PARK7: variants seen among roughly 807,000 people sequenced by gnomAD.
The protein encoded by PARK7 is Parkinsonism associated deglycase.
PARK7 carries 14 observed loss-of-function variants against 20.5 expected under a neutral mutation model. That is an observed-to-expected ratio of 0.68 (90% CI 0.45 to 1.07). The LOEUF (loss-of-function observed/expected upper bound fraction) is 1.07, where lower values mean the gene tolerates loss of function less well. PARK7 is among the 50% of genes least tolerant of loss of function. PARK7 has a pLI of 0.00. For missense variants in PARK7, 234 were observed against 238.1 expected (o/e 0.98, Z 0.11); for synonymous variants, 98 against 84.3 (o/e 1.16, Z -0.89).
intron 3 of PARK7, among the ~76,000 whole-genome samples, chr1:7,967,664 A>G (rs1640357483): frequency 6.6e-6 from 1 of 152,186 alleles, no homozygotes; most frequent in Non-Finnish European, 1.5e-5. Context: ...CACACCTGAA[A>G]TCCTAGCACT....
intron 4 of PARK7, 106 bp from the exon 5 acceptor site, chr1:7,970,788 G>C (rs942148762): frequency 9.9e-7 from 1 of 1,014,700 alleles, no homozygotes; most frequent in Non-Finnish European, 1.5e-6. Flanking sequence ...ATAGGTCAGA[G>C]AGCTTGTGGT....
At position 7,984,234 on chromosome 1, in the gene PARK7, C is replaced by G. The variant is rs1197035632; in HGVS notation, c.410-660C>G. Among the ~76,000 whole-genome samples the G allele has an allele frequency of 1.1e-4, 16 of 152,058 alleles. No homozygotes were observed. The highest frequency in any genetic ancestry group is 1.0e-3 in the Admixed American group (16 of 15,260). ...GATGGGTGTGGGGAGGGAGGTTAGG[C>G]TCTGTGTGCAGTGGAGAGGCTGGTG... On this transcript the variant is annotated intron_variant, in intron 6 of 6. Coordinates refer to ENST00000338639, the MANE Select transcript of PARK7 (RefSeq NM_007262.5). This position sits in a 1 kb window ranked among gnomAD's most constrained non-coding sequence, Gnocchi z 4.3.
chr1:7,981,776 A>G (rs1392154672), intron 6 of PARK7, among the ~76,000 whole-genome samples: 2 of 150,226 alleles, frequency 1.3e-5, no homozygotes. Context: ...CTCCTGCCTC[A>G]GCCTCCCAAG....
intron 5 of PARK7, among the ~76,000 whole-genome samples, chr1:7,975,273 A>G: frequency 6.6e-6 from 1 of 152,214 alleles, no homozygotes; most frequent in East Asian, 1.9e-4. Flanking sequence ...CTATGTTGAG[A>G]AGAAAATTAA....
At chr1:7,969,462 A>G in intron 4 of PARK7, 58 bp downstream of exon 4, 1 of 1,161,592 alleles carries the variant, frequency 8.6e-7, no homozygotes, top group South Asian at 1.3e-5. Context: ...AAAACTAAAG[A>G]ATTTCAGCAT....
Position 7,970,938 on chromosome 1 carries a change from G to C in PARK7, c.297G>C (p.Lys99Asn). The C allele has an allele frequency of 6.2e-7, 1 of 1,614,192 alleles. No homozygotes were observed. The highest frequency in any genetic ancestry group is 8.5e-7 in the Non-Finnish European group (1 of 1,180,022). ...TACTGAAGGAGCAGGAAAACCGGAA[G>C]GGCCTGATAGCCGCCATCTGTGCAG... ...KEILKEQENR[K>N]GLIAAICAGP... The change falls in exon 5 of 7, where the codon AAG (lysine) becomes AAC (asparagine). Residue 99 changes from lysine (K) to asparagine (N), a missense_variant. Lys to Asn is a moderately conservative substitution (Grantham distance 94). Transcript: ENST00000338639.
intron 2 of PARK7, 94 bp downstream of exon 2, chr1:7,962,969 TA>T: frequency 9.8e-7 from 1 of 1,015,234 alleles, no homozygotes; most frequent in Admixed American, 1.8e-5. Context: ...CTCTATGAAA[TA>T]TTTCAAATAT....
chr1:7,970,841 T>A, intron 4 of PARK7, 53 bp from the exon 5 acceptor site: 2 of 1,561,594 alleles, frequency 1.3e-6, no homozygotes, highest in Non-Finnish European at 1.8e-6. Context: ...TAGTGAGTGA[T>A]TGGTTAGTGG....
chr1:7,970,248 T>G (rs1359311837), intron 4 of PARK7, among the ~76,000 whole-genome samples: 3 of 152,182 alleles, frequency 2.0e-5, no homozygotes, highest in African/African-American at 7.2e-5. Flanking sequence ...GGGACCGTTA[T>G]GAACAGATGT....
intron 3 of PARK7, 87 bp from the exon 4 acceptor site, chr1:7,969,258 A>G: frequency 9.0e-7 from 1 of 1,105,360 alleles, no homozygotes; most frequent in East Asian, 2.4e-5. Flanking sequence ...TCCCACATTT[A>G]AAATAGGAAA....
chr1:7,983,577 C>A (rs145163844), intron 6 of PARK7, among the ~76,000 whole-genome samples: 97 of 152,358 alleles, frequency 6.4e-4, no homozygotes, highest in African/African-American at 2.2e-3. Context: ...AAGGCCAGAC[C>A]GCAGAGGGCT....
At chr1:7,962,603 A>G (rs942980053) in intron 1 of PARK7, among the ~76,000 whole-genome samples, 160 bp from the exon 2 acceptor site, 5 of 152,198 alleles carry the variant, frequency 3.3e-5, no homozygotes, top group African/African-American at 2.4e-5. Flanking sequence ...CAACGTTAAG[A>G]TAACTAAACT....
intron 6 of PARK7, among the ~76,000 whole-genome samples, chr1:7,983,243 C>A (rs1640748069): frequency 6.6e-6 from 1 of 152,232 alleles, no homozygotes; most frequent in South Asian, 2.1e-4. Context: ...CTCAGGTCCG[C>A]ACTGAGCGGT....
intron 3 of PARK7, 48 bp from the exon 4 acceptor site, chr1:7,969,297 A>G (rs775902051): frequency 2.1e-6 from 3 of 1,458,182 alleles, no homozygotes; most frequent in Non-Finnish European, 2.9e-6. Context: ...TTTAATGCAC[A>G]GTTGAAATGA....
chr1:7,976,275 C>G (rs147680058), intron 5 of PARK7, among the ~76,000 whole-genome samples: 1 of 152,274 alleles, frequency 6.6e-6, no homozygotes, highest in African/African-American at 2.4e-5. Context: ...ACGTATCCTT[C>G]TAAGTGTCAT....
At chr1:7,975,842 TAAAAAC>T (rs1228987792) in intron 5 of PARK7, among the ~76,000 whole-genome samples, 1 of 152,194 alleles carries the variant, frequency 6.6e-6, no homozygotes, top group Non-Finnish European at 1.5e-5. Flanking sequence ...AAATAAAAAT[TAAAAAC>T]AATTTATAAA....
chr1:7,985,474 T>A lies in PARK7; in HGVS notation c.*420T>A, dbSNP rs1640800270. The A allele has an allele frequency of 7.4e-6, 2 of 270,378 alleles. No individual in the cohort carries two copies. Among genetic ancestry groups the A allele is most frequent in the Non-Finnish European group, 1.4e-5 (2 of 137,946 alleles). 16.7% of individuals were successfully genotyped at this position (270,378 alleles called of 1,614,324 possible). A position where few individuals can be genotyped will look rare whatever the true frequency, so the allele number is the denominator to read the frequency against. On this transcript the variant is annotated 3_prime_UTR_variant, in exon 7 of 7. Transcript: ENST00000338639. ...TTTTCTCTGCTTATTAGCTGTGTGT[T>A]TTTAATGTGCTATTAAAAAATACCA...
At position 7,985,290 on chromosome 1, in the gene PARK7, TTTC is replaced by T; in HGVS notation, c.*239_*241del. On this transcript the variant is annotated 3_prime_UTR_variant, in exon 7 of 7. Coordinates refer to ENST00000338639, the MANE Select transcript of PARK7 (RefSeq NM_007262.5). Reference sequence around the variant, plus strand: ...AGGGCATTTAGCAAACTACTGATTGTTTCTTGTTTTGTCTCTCATTTCTTTTGT... The same window carrying T: ...AGGGCATTTAGCAAACTACTGATTGTTTGTTTTGTCTCTCATTTCTTTTGT... 5.6e-6 allele frequency: 3 copies of T among 537,556 alleles called. No homozygotes were observed. Among genetic ancestry groups the T allele is most frequent in the Non-Finnish European group, 6.6e-6 (2 of 301,514 alleles). 33.3% of individuals were successfully genotyped at this position (537,556 alleles called of 1,614,324 possible).
intron 2 of PARK7, among the ~76,000 whole-genome samples, chr1:7,963,144 G>T (rs1640245502): frequency 1.3e-5 from 2 of 151,910 alleles, no homozygotes; most frequent in Non-Finnish European, 2.9e-5. Context: ...GCTCATTTCG[G>T]TCTCTGCCTC....
Sources: allele counts gnomAD v4.1 joint callset (sites outside exome capture counted in the v4.1 genomes callset), GRCh38; gene constraint gnomAD v4.1.1; non-coding constraint Gnocchi (gnomAD v3.1); transcripts MANE v1.5; gene names NCBI Gene and HGNC (gene_info 2026-07-23, HGNC 2026-07-21).